SLC5A3: variants seen among roughly 807,000 people sequenced by gnomAD.
SLC5A3 encodes solute carrier family 5 member 3.
SLC5A3 carries 10 observed loss-of-function variants against 43.2 expected under a neutral mutation model. That is an observed-to-expected ratio of 0.23 (90% CI 0.14 to 0.39). The LOEUF (loss-of-function observed/expected upper bound fraction) is 0.39. Among genes scored for constraint, SLC5A3 ranks in the 10% least tolerant of loss-of-function variants. The pLI is 1.00. For missense variants in SLC5A3, 608 were observed against 893.4 expected, an observed-to-expected ratio of 0.68 and a Z score of 4.07; for synonymous variants, 349 against 322.0, an observed-to-expected ratio of 1.08 and a Z score of -0.90.
chr21:34,079,912 C>G (rs1989421569), intron 1 of SLC5A3, among the ~76,000 whole-genome samples: 2 of 152,076 alleles, frequency 1.3e-5, no homozygotes, highest in South Asian at 4.1e-4. Context: ...CCCAAAGTTG[C>G]CTCTGTTATT....
chr21:34,091,037 C>G (rs1352890340), intron 1 of SLC5A3, among the ~76,000 whole-genome samples: 1 of 151,796 alleles, frequency 6.6e-6, no homozygotes, highest in Non-Finnish European at 1.5e-5. Flanking sequence ...AATTAGTTTT[C>G]AGAGGTGTCT....
chr21:34,096,997 C>A lies in SLC5A3; in HGVS notation c.1799C>A (p.Pro600His). ...KSEDSIKGLQ[P>H]EDVNLLVTCR... The stretch of plus-strand genomic sequence containing the variant: ...GAAGACAGCATTAAGGGCCTTCAGC[C>A]TGAAGATGTTAATCTGTTGGTAACC... The change falls in exon 2 of 2, where the codon CCT (proline) becomes CAT (histidine). Residue 600 changes from proline (P) to histidine (H), a missense_variant. Around this residue, in one of 2 missense-constraint regions of SLC5A3, gnomAD observed 210 missense variants for 224.8 expected, o/e 0.93. Transcript: ENST00000381151. This position sits in a 1 kb window ranked among gnomAD's most constrained non-coding sequence, Gnocchi z 5.9. 1 of 1,614,044 alleles carries A rather than the reference C, an allele frequency of 6.2e-7. No individual in the cohort carries two copies. Among genetic ancestry groups the A allele is most frequent in the Non-Finnish European group, 8.5e-7 (1 of 1,179,958 alleles).
rs138168218 is a variant in SLC5A3 at position 34,097,523 on chromosome 21, A to T, written c.*168A>T. The T allele has an allele frequency of 1.1e-3, 1,513 of 1,388,360 alleles. 3 individuals are homozygous for T. Among genetic ancestry groups the T allele is most frequent in the South Asian group, 1.6e-3 (87 of 53,722 alleles). The allele number at this position is 1,388,360 out of a possible 1,614,324, so 86.0% of individuals were successfully genotyped here. ...CAAGACTTTATTTTCCCAGAGATGGATTAAAGTAAATCTTCAACTTAAGTG... is the reference window on the plus strand; with the variant it reads ...CAAGACTTTATTTTCCCAGAGATGGTTTAAAGTAAATCTTCAACTTAAGTG... On this transcript the variant is annotated 3_prime_UTR_variant, in exon 2 of 2. Transcript: ENST00000381151.
At chr21:34,073,840 G>A in intron 1 of SLC5A3, 95 bp downstream of exon 1, 2 of 883,960 alleles carry the variant, frequency 2.3e-6, no homozygotes, top group Non-Finnish European at 3.1e-6. Context: ...CGGGACCCCG[G>A]GCCTTCCTGC....
At chr21:34,093,796 A>G (rs1315295420) in intron 1 of SLC5A3, among the ~76,000 whole-genome samples, 1 of 152,206 alleles carries the variant, frequency 6.6e-6, no homozygotes, top group Non-Finnish European at 1.5e-5. Context: ...AATTTTAGGT[A>G]TATTTAAATG....
intron 1 of SLC5A3, among the ~76,000 whole-genome samples, chr21:34,086,115 C>G (rs993333141): frequency 6.6e-6 from 1 of 152,150 alleles, no homozygotes; most frequent in African/African-American, 2.4e-5. Context: ...TTTACCTTTC[C>G]GGATTTGGCT....
At position 34,103,965 on chromosome 21, in the gene SLC5A3, T is replaced by C. The variant is rs1979361646; in HGVS notation, c.*6610T>C. On this transcript the variant is annotated 3_prime_UTR_variant, in exon 2 of 2. Transcript: ENST00000381151. ...CATATTTCTGTTTTAAGCTGTAGTG[T>C]GATTGGGGTTTTTTGTAAAAAATCT... 1.0e-6 allele frequency: 1 copy of C among 1,000,226 alleles called. No individual in the cohort carries two copies. Among genetic ancestry groups the C allele is most frequent in the Non-Finnish European group, 1.2e-6 (1 of 829,942 alleles). 62.0% of individuals were successfully genotyped at this position (1,000,226 alleles called of 1,614,324 possible).
intron 1 of SLC5A3, among the ~76,000 whole-genome samples, chr21:34,091,872 A>G (rs1389328298): frequency 3.3e-5 from 5 of 152,170 alleles, no homozygotes; most frequent in African/African-American, 7.2e-5. Flanking sequence ...TAAGAAAAAA[A>G]TGGACTACCA....
In SLC5A3 at chr21:34,097,742, ATTT is replaced by A; in HGVS notation, c.*394_*396del. Reference sequence around the variant, plus strand: ...AAGTAGAAGATTTGCTCATTTCTAAATTTTTTTTTCTGTCTCTGTAATCCCTCC... The same window carrying A: ...AAGTAGAAGATTTGCTCATTTCTAAATTTTTTCTGTCTCTGTAATCCCTCC... On this transcript the variant is annotated 3_prime_UTR_variant, in exon 2 of 2. Transcript: ENST00000381151. The A allele has an allele frequency of 1.0e-6, 1 of 1,001,162 alleles. No individual in the cohort carries two copies. Among genetic ancestry groups the A allele is most frequent in the Non-Finnish European group, 1.2e-6 (1 of 830,030 alleles). 62.0% of individuals were successfully genotyped at this position (1,001,162 alleles called of 1,614,324 possible).
rs1979373207 is a variant in SLC5A3 at position 34,104,188 on chromosome 21, A to G, written c.*6833A>G. On this transcript the variant is annotated 3_prime_UTR_variant, in exon 2 of 2. Coordinates refer to ENST00000381151, the MANE Select transcript of SLC5A3 (RefSeq NM_006933.7). ...AGGATAATTTGATCTGAGTGTTCTG[A>G]GCATCAGACTAATTCTGAAGCATAT... 3 of 999,894 alleles carry G rather than the reference A, an allele frequency of 3.0e-6. No individual in the cohort carries two copies. Among genetic ancestry groups the G allele is most frequent in the South Asian group, 9.4e-5 (2 of 21,278 alleles). 61.9% of individuals were successfully genotyped at this position (999,894 alleles called of 1,614,324 possible). A position where few individuals can be genotyped will look rare whatever the true frequency, so the allele number is the denominator to read the frequency against.
chr21:34,079,303 T>C (rs1407000307), intron 1 of SLC5A3, among the ~76,000 whole-genome samples: 1 of 152,212 alleles, frequency 6.6e-6, no homozygotes, highest in Non-Finnish European at 1.5e-5. Flanking sequence ...TTATATTTAT[T>C]ATCTAGTCCT....
At chr21:34,078,630 G>A (rs1359573424) in intron 1 of SLC5A3, among the ~76,000 whole-genome samples, 2 of 152,104 alleles carry the variant, frequency 1.3e-5, no homozygotes, top group Non-Finnish European at 2.9e-5. Flanking sequence ...GAGTTCAAAA[G>A]CAATGACGGG....
At chr21:34,079,944 C>T (rs911687313) in intron 1 of SLC5A3, among the ~76,000 whole-genome samples, 1 of 152,248 alleles carries the variant, frequency 6.6e-6, no homozygotes, top group Non-Finnish European at 1.5e-5. Context: ...TTTATCGCTT[C>T]TCTGTCTTCT....
Position 34,097,797 on chromosome 21 carries a change from G to A in SLC5A3, c.*442G>A. ...ACCATTAAGAAAAACTTATTTCTTA[G>A]ACATTGTACAATCAGTTATGTACTG... On this transcript the variant is annotated 3_prime_UTR_variant, in exon 2 of 2. Coordinates refer to ENST00000381151, the MANE Select transcript of SLC5A3 (RefSeq NM_006933.7). 1.0e-6 allele frequency: 1 copy of A among 1,000,248 alleles called. No individual in the cohort carries two copies. The highest frequency in any genetic ancestry group is 1.2e-6 in the Non-Finnish European group (1 of 829,852). The allele number at this position is 1,000,248 out of a possible 1,614,324, so 62.0% of individuals were successfully genotyped here.
chr21:34,097,905 C>G lies in SLC5A3; in HGVS notation c.*550C>G, dbSNP rs1979046422. On this transcript the variant is annotated 3_prime_UTR_variant, in exon 2 of 2. Transcript: ENST00000381151. ...TTTTGTTAGCATGAGCCTACGGATT[C>G]TGATTTCCCAAAGAAAGAATGTTTT... 1 of 996,724 alleles carries G rather than the reference C, an allele frequency of 1.0e-6. No individual in the cohort carries two copies. The highest frequency in any genetic ancestry group is 1.2e-6 in the Non-Finnish European group (1 of 826,972). The allele number at this position is 996,724 out of a possible 1,614,324, so 61.7% of individuals were successfully genotyped here.
chr21:34,080,748 TG>T (rs1451363239), intron 1 of SLC5A3, among the ~76,000 whole-genome samples: 7 of 152,232 alleles, frequency 4.6e-5, no homozygotes, highest in African/African-American at 1.7e-4. Flanking sequence ...CTTTCATGTT[TG>T]TTCTGCTATG....
At chr21:34,087,891 C>T (rs936848045) in intron 1 of SLC5A3, among the ~76,000 whole-genome samples, 5 of 152,186 alleles carry the variant, frequency 3.3e-5, no homozygotes, top group Non-Finnish European at 7.4e-5. Context: ...ACAGGCTTTG[C>T]TGATGGATTG....
In SLC5A3 at chr21:34,098,247, T is replaced by C; in HGVS notation, c.*892T>C. The C allele has an allele frequency of 3.0e-6, 3 of 999,902 alleles. No homozygotes were observed. The highest frequency in any genetic ancestry group is 3.6e-6 in the Non-Finnish European group (3 of 829,762). 61.9% of individuals were successfully genotyped at this position (999,902 alleles called of 1,614,324 possible). ...GATTACTCATATATTCTGCTAATTT[T>C]CTAGCTTTATTCTTGTTATTTGGAA... On this transcript the variant is annotated 3_prime_UTR_variant, in exon 2 of 2. Transcript: ENST00000381151.
At chr21:34,086,303 GATTA>G (rs1490179188) in intron 1 of SLC5A3, among the ~76,000 whole-genome samples, 1 of 152,176 alleles carries the variant, frequency 6.6e-6, no homozygotes, top group East Asian at 1.9e-4. Flanking sequence ...TTAGAGAAAA[GATTA>G]ATTCTTGGTG....
Sources: allele counts gnomAD v4.1 joint callset (sites outside exome capture counted in the v4.1 genomes callset), GRCh38; gene constraint gnomAD v4.1.1; regional missense constraint gnomAD v4.1.1; non-coding constraint Gnocchi (gnomAD v3.1); transcripts MANE v1.5; gene names NCBI Gene and HGNC (gene_info 2026-07-23, HGNC 2026-07-21).